SLC38A8: variants seen among roughly 807,000 people sequenced by gnomAD.
SLC38A8 encodes solute carrier family 38 member 8, also known as amino acid transporter SLC38A8.
In SLC38A8, 65 loss-of-function variants were observed where a neutral mutation model predicts 46.0. The ratio of observed to expected loss-of-function variants is 1.41; its 90% CI spans 1.16 to 1.74. The LOEUF (loss-of-function observed/expected upper bound fraction) is 1.74. SLC38A8 is among the 40% of genes most tolerant of loss of function. The probability of loss-of-function intolerance (pLI) is 0.00; values close to 1 mark genes in which losing one functional copy is unlikely to be tolerated. For synonymous variants in SLC38A8, 447 were observed against 243.7 expected (o/e 1.83, Z -7.77); for missense variants, 998 against 567.9 (o/e 1.76, Z -7.70).
At chr16:84,029,651 C>A (rs562054823) in intron 5 of SLC38A8, 100 bp from the exon 6 acceptor site, 20 of 1,150,930 alleles carry the variant, frequency 1.7e-5, no homozygotes, top group Non-Finnish European at 2.4e-5. Context: ...GAAAATGTAA[C>A]AGAGCATGGC....
At chr16:84,040,275 C>T (rs1043261849) in intron 2 of SLC38A8, among the ~76,000 whole-genome samples, 4 of 152,216 alleles carry the variant, frequency 2.6e-5, no homozygotes, top group Non-Finnish European at 5.9e-5. Flanking sequence ...TGTCAAGAGC[C>T]AGGCTGGCTC....
intron 9 of SLC38A8, among the ~76,000 whole-genome samples, chr16:84,013,264 T>G (rs1394313081): frequency 6.6e-6 from 1 of 151,906 alleles, no homozygotes; most frequent in Non-Finnish European, 1.5e-5. Flanking sequence ...TAGGCAGAGG[T>G]CTGGCAGCAA....
intron 7 of SLC38A8, among the ~76,000 whole-genome samples, chr16:84,017,776 C>T (rs2085047738): frequency 6.6e-6 from 1 of 152,200 alleles, no homozygotes; most frequent in Non-Finnish European, 1.5e-5. Flanking sequence ...AACAGGGTGA[C>T]ACTGCTTCTG....
intron 7 of SLC38A8, among the ~76,000 whole-genome samples, chr16:84,018,040 A>G (rs2085051829): frequency 6.6e-6 from 1 of 152,080 alleles, no homozygotes; most frequent in Admixed American, 6.5e-5. Context: ...TGTTGCTTAC[A>G]ACAGAATACC....
chr16:84,015,807 G>C (rs1329646642), intron 9 of SLC38A8, among the ~76,000 whole-genome samples: 1 of 152,206 alleles, frequency 6.6e-6, no homozygotes, highest in African/African-American at 2.4e-5. Context: ...CCGGGTTCAA[G>C]TGATTCTCCT....
At chr16:84,022,095 A>C (rs895087656) in intron 7 of SLC38A8, among the ~76,000 whole-genome samples, 2 of 152,240 alleles carry the variant, frequency 1.3e-5, no homozygotes, top group Non-Finnish European at 1.5e-5. Flanking sequence ...TCAGGGATTA[A>C]ATTTCAACCT....
Position 84,017,303 on chromosome 16 carries a change from G to C in SLC38A8, c.806-16C>G. 6.2e-7 allele frequency: 1 copy of C among 1,613,728 alleles called. No homozygotes were observed. Among genetic ancestry groups the C allele is most frequent in the Non-Finnish European group, 8.5e-7 (1 of 1,179,932 alleles). On this transcript the variant is annotated splice_polypyrimidine_tract_variant and intron_variant, in intron 7 of 10. Coordinates refer to ENST00000299709, the MANE Select transcript of SLC38A8 (RefSeq NM_001080442.3). Reference sequence around the variant, plus strand: ...CCATAAACCCCTGAAGGTGGGAAAGGATGGAAGCCACAGAGTGGATTAGGA... The same window carrying C: ...CCATAAACCCCTGAAGGTGGGAAAGCATGGAAGCCACAGAGTGGATTAGGA...
intron 4 of SLC38A8, among the ~76,000 whole-genome samples, chr16:84,033,085 G>A (rs1195674347): frequency 1.3e-5 from 2 of 152,078 alleles, no homozygotes; most frequent in African/African-American, 4.8e-5. Context: ...GCAGCCATGT[G>A]CAAAAAATCC....
intron 2 of SLC38A8, among the ~76,000 whole-genome samples, chr16:84,039,743 C>CAA (rs56074069): frequency 1.4e-3 from 124 of 85,770 alleles, no homozygotes; most frequent in East Asian, 1.3e-3. Context: ...GTGAGACCTT[C>CAA]AAAAAAAAAA....
intron 7 of SLC38A8, among the ~76,000 whole-genome samples, chr16:84,020,353 C>G (rs1023567692): frequency 1.1e-4 from 17 of 152,144 alleles, no homozygotes; most frequent in Non-Finnish European, 5.9e-5. Context: ...ACTACGTTGG[C>G]CAGGCTGGCC....
intron 4 of SLC38A8, among the ~76,000 whole-genome samples, chr16:84,032,303 C>T (rs910011865): frequency 2.3e-4 from 35 of 152,196 alleles, no homozygotes; most frequent in African/African-American, 8.2e-4. Context: ...ATTCTCCTGC[C>T]TCAGCCTCCC....
chr16:84,031,770 G>A lies in SLC38A8; in HGVS notation c.632+97C>T, dbSNP rs537547269. 3.9e-6 allele frequency: 4 copies of A among 1,035,428 alleles called. No individual in the cohort carries two copies. The East Asian group carries it at 7.1e-5, about 18-fold the overall frequency. The allele number at this position is 1,035,428 out of a possible 1,614,324, so 64.1% of individuals were successfully genotyped here. A position where few individuals can be genotyped will look rare whatever the true frequency, so the allele number is the denominator to read the frequency against. ...GGAAGGAAGGAGCCCAGGCTCTGCA[G>A]TGAGCCACGAGAGGCTCCTCCTCCA... is the stretch of plus-strand genomic sequence containing the variant. On this transcript the variant is annotated intron_variant, in intron 5 of 10. Coordinates refer to ENST00000299709, the MANE Select transcript of SLC38A8 (RefSeq NM_001080442.3).
At position 84,027,299 on chromosome 16, in the gene SLC38A8, A is replaced by T. The variant is rs865929044; in HGVS notation, c.690+2195T>A. Among the ~76,000 whole-genome samples the T allele has an allele frequency of 1.1e-4, 17 of 152,222 alleles. No homozygotes were observed. In the South Asian group the frequency reaches 2.5e-3, roughly 22 times the overall value. On this transcript the variant is annotated intron_variant, in intron 6 of 10. Coordinates refer to ENST00000299709, the MANE Select transcript of SLC38A8 (RefSeq NM_001080442.3). ...CAGGAGGCGGAGGCTGCAGTGAGCC[A>T]AGATCACACCACTGCACTCCAGCCT...
At chr16:84,023,276 G>C (rs2085117071) in intron 6 of SLC38A8, among the ~76,000 whole-genome samples, 1 of 152,036 alleles carries the variant, frequency 6.6e-6, no homozygotes, top group African/African-American at 2.4e-5. Context: ...AGATTGTGCG[G>C]CCCAACCCCA....
chr16:84,019,217 G>T lies in SLC38A8; in HGVS notation c.806-1930C>A, dbSNP rs567978926. 2.0e-5 allele frequency among the ~76,000 whole-genome samples: 3 copies of T among 152,078 alleles called. No individual in the cohort carries two copies. The South Asian group carries it at 6.2e-4, about 32-fold the overall frequency. ...AGCCTCCTGAGTAGCCTGGATTACA[G>T]GCACATGTCACCATGCTCGGCTATA... On this transcript the variant is annotated intron_variant, in intron 7 of 10. Transcript: ENST00000299709.
chr16:84,029,149 A>C lies in SLC38A8; in HGVS notation c.690+345T>G, dbSNP rs994330055. On this transcript the variant is annotated intron_variant, in intron 6 of 10. Coordinates refer to ENST00000299709, the MANE Select transcript of SLC38A8 (RefSeq NM_001080442.3). ...TGGGCAGCTTAGGCCTCCAGGCCTC[A>C]GGTCTGACTGCAGTCCTGTGGGGGT... 3.9e-5 allele frequency among the ~76,000 whole-genome samples: 6 copies of C among 152,260 alleles called. No homozygotes were observed. The Middle Eastern group carries it at 0.01, about 259-fold the overall frequency.
intron 7 of SLC38A8, among the ~76,000 whole-genome samples, chr16:84,018,455 G>A (rs375320503): frequency 3.3e-5 from 5 of 151,900 alleles, no homozygotes; most frequent in African/African-American, 4.8e-5. Context: ...TCCTGACCTC[G>A]TGATCCACCC....
Position 84,016,580 on chromosome 16 carries a change from G to C in SLC38A8, c.1101C>G (p.Asp367Glu), listed in dbSNP as rs1358238600. 2 of 1,614,114 alleles carry C rather than the reference G, an allele frequency of 1.2e-6. No individual in the cohort carries two copies. The highest frequency in any genetic ancestry group is 1.1e-5 in the South Asian group (1 of 91,088). Residue 367 changes from aspartate to glutamate, a missense_variant, in exon 9 of 11, where the codon GAC (aspartate) becomes GAG (glutamate). Physicochemically the swap from Asp to Glu is conservative, Grantham distance 45. Coordinates refer to ENST00000299709, the MANE Select transcript of SLC38A8 (RefSeq NM_001080442.3). ...CGATGATGCTGACGATCTCGCTGAG[G>C]TCAGGCATAAACAGCGCCATGGCGA... is the stretch of plus-strand genomic sequence containing the variant. ...VTLAMALFMPDLSEIVSIIGG... is the reference protein window; with the variant it reads ...VTLAMALFMPELSEIVSIIGG...
chr16:84,013,790 G>C (rs551414509), intron 9 of SLC38A8, among the ~76,000 whole-genome samples: 2 of 150,200 alleles, frequency 1.3e-5, no homozygotes, highest in Non-Finnish European at 3.0e-5. Context: ...TTGGCCTAAA[G>C]CTCCCAAAGG....
Sources: allele counts gnomAD v4.1 joint callset (sites outside exome capture counted in the v4.1 genomes callset), GRCh38; gene constraint gnomAD v4.1.1; transcripts MANE v1.5; gene names NCBI Gene and HGNC (gene_info 2026-07-23, HGNC 2026-07-21).